Variants in PARP8 observed in about 807,000 individuals in gnomAD.
The protein encoded by PARP8 is poly(ADP-ribose) polymerase family member 8.
A neutral mutation model predicts 124.1 loss-of-function variants in PARP8; 51 were observed. The observed-to-expected ratio is 0.41, with a 90% confidence interval of 0.33 to 0.52. The LOEUF is 0.52. Among genes scored for constraint, PARP8 ranks in the 20% least tolerant of loss-of-function variants. The probability of loss-of-function intolerance (pLI) is 0.21; values close to 1 mark genes in which losing one functional copy is unlikely to be tolerated. For synonymous variants in PARP8, 391 were observed against 361.5 expected (o/e 1.08, Z -0.93); for missense variants, 860 against 1,018.9 (o/e 0.84, Z 2.12).
chr5:50,681,195 T>G (rs532004858), intron 2 of PARP8, among the ~76,000 whole-genome samples: 91 of 152,264 alleles, frequency 6.0e-4, no homozygotes, highest in African/African-American at 2.2e-3. Context: ...TGACAAGAAC[T>G]TAATGAATCT....
intron 2 of PARP8, among the ~76,000 whole-genome samples, chr5:50,677,152 T>G (rs1372650919): frequency 6.6e-6 from 1 of 152,148 alleles, no homozygotes; most frequent in Non-Finnish European, 1.5e-5. Context: ...ATTGTTGATA[T>G]CACATTTGTT....
Position 50,786,937 on chromosome 5 carries a change from G to A in PARP8, c.671-1586G>A, listed in dbSNP as rs146416209. Among the ~76,000 whole-genome samples the A allele has an allele frequency of 1.3e-3, 195 of 151,936 alleles. 1 individual carries two copies. The highest frequency in any genetic ancestry group is 9.2e-3 in the Admixed American group (141 of 15,250). On this transcript the variant is annotated intron_variant, in intron 9 of 25. Transcript: ENST00000281631. ...GGGCTTCTCCAATTGCCTTCTTAACGTTTCCATTTTAGTATCAAATAAGCA... is the reference window on the plus strand; with the variant it reads ...GGGCTTCTCCAATTGCCTTCTTAACATTTCCATTTTAGTATCAAATAAGCA...
At chr5:50,805,932 T>G (rs1743791128) in intron 14 of PARP8, among the ~76,000 whole-genome samples, 1 of 152,028 alleles carries the variant, frequency 6.6e-6, no homozygotes, top group Non-Finnish European at 1.5e-5. Flanking sequence ...AATAGGGGGA[T>G]TTCTCTGGTC....
chr5:50,692,832 G>T lies in PARP8; in HGVS notation c.146+24707G>T, dbSNP rs140239769. Among the ~76,000 whole-genome samples, 1,109 of 152,152 alleles carry T rather than the reference G, an allele frequency of 7.3e-3. 13 individuals carry two copies. The highest frequency in any genetic ancestry group is 0.026 in the African/African-American group (1,077 of 41,518). On this transcript the variant is annotated intron_variant, in intron 2 of 25. Coordinates refer to ENST00000281631, the MANE Select transcript of PARP8 (RefSeq NM_024615.4). Reference sequence around the variant, plus strand: ...TTGGCACCTTGTGTGATCTGTTACAGCACTTAAAACAATTATTTATGTATA... The same window carrying T: ...TTGGCACCTTGTGTGATCTGTTACATCACTTAAAACAATTATTTATGTATA...
chr5:50,824,879 A>C, intron 17 of PARP8, 29 bp from the exon 18 acceptor site: 1 of 1,582,456 alleles, frequency 6.3e-7, no homozygotes, highest in Non-Finnish European at 8.7e-7. Context: ...TTTTATGAAA[A>C]ATCAAGAAGT....
intron 7 of PARP8, among the ~76,000 whole-genome samples, chr5:50,773,980 C>G (rs1325251783): frequency 2.0e-5 from 3 of 152,006 alleles, no homozygotes; most frequent in Non-Finnish European, 2.9e-5. Flanking sequence ...GCAGAGGTCC[C>G]TGCGGCCTTC....
chr5:50,678,921 A>G (rs1172810025), intron 2 of PARP8, among the ~76,000 whole-genome samples: 1 of 152,066 alleles, frequency 6.6e-6, no homozygotes, highest in Non-Finnish European at 1.5e-5. Context: ...ATGAACAAGG[A>G]GACTAAGGGG....
chr5:50,673,863 CAT>C (rs1750320747), intron 2 of PARP8, among the ~76,000 whole-genome samples: 1 of 152,178 alleles, frequency 6.6e-6, no homozygotes, highest in Non-Finnish European at 1.5e-5. Flanking sequence ...TTTAAAAAGA[CAT>C]ATAGCTGAAA....
intron 15 of PARP8, 98 bp downstream of exon 15, chr5:50,815,622 T>C: frequency 1.2e-6 from 1 of 813,298 alleles, no homozygotes; most frequent in Non-Finnish European, 1.8e-6. Context: ...GGGAAAATAT[T>C]TGATAACTTC....
intron 2 of PARP8, among the ~76,000 whole-genome samples, chr5:50,696,165 G>A (rs535303552): frequency 6.6e-6 from 1 of 152,262 alleles, no homozygotes; most frequent in South Asian, 2.1e-4. Flanking sequence ...CTATACCATA[G>A]CTCTTTCTGT....
chr5:50,763,283 G>A (rs371767171), intron 7 of PARP8, 41 bp downstream of exon 7: 62 of 1,440,824 alleles, frequency 4.3e-5, no homozygotes, highest in Middle Eastern at 3.5e-4. Context: ...AAGTTTTATG[G>A]TAAGTCATTG....
At chr5:50,809,066 A>G (rs1403728949) in intron 14 of PARP8, among the ~76,000 whole-genome samples, 1 of 152,070 alleles carries the variant, frequency 6.6e-6, no homozygotes, top group Non-Finnish European at 1.5e-5. Flanking sequence ...TTTAATACTC[A>G]AATAACATCT....
intron 2 of PARP8, among the ~76,000 whole-genome samples, chr5:50,709,848 T>A (rs1197410293): frequency 8.8e-5 from 12 of 136,600 alleles, no homozygotes; most frequent in Non-Finnish European, 4.7e-5. Flanking sequence ...TACAAGAGTG[T>A]GTGTGTGTGT....
chr5:50,691,892 C>G (rs1228295679), intron 2 of PARP8, among the ~76,000 whole-genome samples: 3 of 152,150 alleles, frequency 2.0e-5, no homozygotes, highest in Non-Finnish European at 4.4e-5. Context: ...CCCACAGCCC[C>G]TACTTACAAT....
At chr5:50,767,423 G>A (rs936227035) in intron 7 of PARP8, among the ~76,000 whole-genome samples, 1 of 152,122 alleles carries the variant, frequency 6.6e-6, no homozygotes, top group African/African-American at 2.4e-5. Flanking sequence ...AGGCACAGAG[G>A]GGAAAGAAAG....
intron 2 of PARP8, among the ~76,000 whole-genome samples, chr5:50,680,159 G>C (rs1751121951): frequency 6.6e-6 from 1 of 152,176 alleles, no homozygotes; most frequent in African/African-American, 2.4e-5. Flanking sequence ...TGGAGTACCA[G>C]ATACTCATTG....
intron 2 of PARP8, among the ~76,000 whole-genome samples, chr5:50,749,197 T>C (rs12518710): frequency 0.022 from 3,348 of 152,344 alleles, 61 homozygotes; most frequent in Admixed American, 0.061. Flanking sequence ...CTGTGAATGA[T>C]GCTTTGAGTA....
chr5:50,779,452 G>A (rs1468277091), intron 9 of PARP8, among the ~76,000 whole-genome samples: 1 of 152,210 alleles, frequency 6.6e-6, no homozygotes, highest in Non-Finnish European at 1.5e-5. Context: ...CAAATGGCTA[G>A]CAGTTGATGC....
rs756221313 is a variant in PARP8, at chr5:50,667,084, G to A, written c.-12G>A. On this transcript the variant is annotated 5_prime_UTR_variant, in exon 1 of 26. Transcript: ENST00000281631. ...GGAAATAGCGGCTGCTTCTTTTCCAGGGATTTATTTAATGGGGATGTGTTC... is the reference window on the plus strand; with the variant it reads ...GGAAATAGCGGCTGCTTCTTTTCCAAGGATTTATTTAATGGGGATGTGTTC... The A allele has an allele frequency of 6.3e-7, 1 of 1,596,344 alleles. No homozygotes were observed. The highest frequency in any genetic ancestry group is 8.5e-7 in the Non-Finnish European group (1 of 1,179,738).
Sources: gnomAD v4.1 joint callset for allele counts (sites outside exome capture counted in the v4.1 genomes callset) on GRCh38, gnomAD v4.1.1 for gene constraint, MANE v1.5 for transcripts, NCBI Gene and HGNC (gene_info 2026-07-23, HGNC 2026-07-21) for gene names.